The following ABCC6 variants were observed in gnomAD, a reference collection of about 807,000 sequenced individuals.
ABCC6 encodes ATP binding cassette subfamily C member 6.
A neutral mutation model predicts 169.5 loss-of-function variants in ABCC6; 126 were observed. The ratio of observed to expected loss-of-function variants is 0.74; its 90% CI spans 0.64 to 0.86. ABCC6 has a LOEUF of 0.86. Among genes scored for constraint, ABCC6 ranks in the 40% least tolerant of loss-of-function variants. The pLI is 0.00. For synonymous variants in ABCC6, 752 were observed against 814.7 expected, an observed-to-expected ratio of 0.92 and a Z score of 1.31; for missense variants, 1,733 against 1,927.2, an observed-to-expected ratio of 0.90 and a Z score of 1.89.
At chr16:16,192,485 G>C in intron 11 of ABCC6, among the ~76,000 whole-genome samples, 1 of 152,278 alleles carries the variant, frequency 6.6e-6, no homozygotes, top group South Asian at 2.1e-4. Context: ...GCTGTGACCT[G>C]GGTTAGAGAT....
intron 19 of ABCC6, among the ~76,000 whole-genome samples, chr16:16,176,391 A>C (rs2047278604): frequency 6.6e-6 from 1 of 152,166 alleles, no homozygotes; most frequent in African/African-American, 2.4e-5. Context: ...ACTATCCCCC[A>C]GGTGTGGCCA....
rs985686947 is a variant in ABCC6, at chr16:16,149,910, G to T, written c.*223C>A. On this transcript the variant is annotated 3_prime_UTR_variant, in exon 31 of 31. Coordinates refer to ENST00000205557, the MANE Select transcript of ABCC6 (RefSeq NM_001171.6). The stretch of plus-strand genomic sequence containing the variant: ...TTGACATTGGCTGCAGGGTGGACAG[G>T]GCGAGATGGGCCCTGCCCGGGCAGA... 24 of 662,654 alleles carry T rather than the reference G, an allele frequency of 3.6e-5. No homozygotes were observed. In the African/African-American group the frequency reaches 4.3e-4, roughly 12 times the overall value. 41.0% of individuals were successfully genotyped at this position (662,654 alleles called of 1,614,324 possible). A position where few individuals can be genotyped will look rare whatever the true frequency, so the allele number is the denominator to read the frequency against.
intron 15 of ABCC6, 107 bp downstream of exon 15, chr16:16,184,852 G>T: frequency 1.6e-6 from 2 of 1,268,122 alleles, no homozygotes; most frequent in Non-Finnish European, 2.3e-6. Flanking sequence ...CCACCCTCCA[G>T]TCCCAGGCTG....
intron 13 of ABCC6, among the ~76,000 whole-genome samples, chr16:16,188,224 A>AC (rs1186349185): frequency 8.7e-6 from 1 of 114,820 alleles, no homozygotes; most frequent in Non-Finnish European, 1.9e-5. Context: ...TACTAAAAAT[A>AC]CAAAAAAAAA....
intron 15 of ABCC6, among the ~76,000 whole-genome samples, chr16:16,183,517 C>T (rs528570480): frequency 6.6e-6 from 1 of 152,318 alleles, no homozygotes; most frequent in Admixed American, 6.5e-5. Context: ...TCCCATTTCA[C>T]TCAGGGTCAA....
intron 18 of ABCC6, among the ~76,000 whole-genome samples, chr16:16,178,271 G>A (rs2047350913): frequency 6.6e-6 from 1 of 152,070 alleles, no homozygotes; most frequent in South Asian, 2.1e-4. Context: ...AGCTTCCAGT[G>A]AGCGGAGATC....
intron 25 of ABCC6, among the ~76,000 whole-genome samples, chr16:16,161,054 G>A (rs185771910): frequency 3.9e-5 from 6 of 152,244 alleles, no homozygotes; most frequent in East Asian, 1.9e-4. Context: ...TCAGTGAGCC[G>A]AGATTGCACC....
rs541463984 is a variant in ABCC6 at position 16,188,863 on chromosome 16, A to C, written c.1747T>G (p.Phe583Val). The part of the protein sequence containing the change: ...VLNILNKAQA[F>V]LPFSIHSLVQ... ...AGGGAGTGGATGGAGAAGGGCAGGA[A>C]AGCCTGGGCCTTGTTGAGGATGTTG... Residue 583 changes from phenylalanine to valine, a missense_variant, in exon 13 of 31, where the codon TTC (phenylalanine) becomes GTC (valine). Coordinates refer to ENST00000205557, the MANE Select transcript of ABCC6 (RefSeq NM_001171.6). The C allele has an allele frequency of 6.2e-7, 1 of 1,614,138 alleles. No individual in the cohort carries two copies. Among genetic ancestry groups the C allele is most frequent in the African/African-American group, 1.3e-5 (1 of 75,062 alleles).
At position 16,202,057 on chromosome 16, in the gene ABCC6, G is replaced by C. The variant is rs370022963; in HGVS notation, c.1120C>G (p.Leu374Val). 34 of 1,613,894 alleles carry C rather than the reference G, an allele frequency of 2.1e-5. No homozygotes were observed. In the African/African-American group the frequency reaches 3.7e-4, roughly 18 times the overall value. Reference protein sequence around the residue: ...TLFEQQNMYRLKVLQMRLRSA... With the variant: ...TLFEQQNMYRVKVLQMRLRSA... ...CGCAACCTCATCTGCAGCACCTTGA[G>C]CCTGTACATGTTCTGCTGCTCAAAC... Residue 374 changes from leucine (L) to valine (V), a missense_variant, in exon 9 of 31, where the codon CTC (leucine) becomes GTC (valine). Leu to Val is a conservative substitution (Grantham distance 32). Around this residue, in one of 5 missense-constraint regions of ABCC6, gnomAD observed 1,601 missense variants for 1,635.5 expected, o/e 0.98. Transcript: ENST00000205557.
rs2152263695 is a variant in ABCC6 at position 16,185,053 on chromosome 16, C to T, written c.1868-19G>A. 1 of 1,609,486 alleles carries T rather than the reference C, an allele frequency of 6.2e-7. No homozygotes were observed. Among genetic ancestry groups the T allele is most frequent in the Non-Finnish European group, 8.5e-7 (1 of 1,175,752 alleles). On this transcript the variant is annotated intron_variant, in intron 14 of 30. Coordinates refer to ENST00000205557, the MANE Select transcript of ABCC6 (RefSeq NM_001171.6). ...CCGGCAGCTGCAGGGCACAAGAGGC[C>T]ATTTACAGGAGACCCCTGACCTGGC...
chr16:16,168,340 A>G (rs1412980151), intron 22 of ABCC6, among the ~76,000 whole-genome samples: 1 of 7,464 alleles, frequency 1.3e-4, no homozygotes, highest in African/African-American at 2.0e-4. Context: ...AACAAAAATT[A>G]GCCAGCATGG....
At chr16:16,200,704 C>T (rs56823363) in intron 9 of ABCC6, among the ~76,000 whole-genome samples, 51,521 of 147,208 alleles carry the variant, frequency 0.35, 9,805 homozygotes, top group Admixed American at 0.42. Context: ...GAGCTGTCCC[C>T]TCTGTCCCCT....
At chr16:16,179,665 A>T (rs1196250372) in intron 17 of ABCC6, among the ~76,000 whole-genome samples, 1 of 152,168 alleles carries the variant, frequency 6.6e-6, no homozygotes, top group Non-Finnish European at 1.5e-5. Context: ...ATCTTGACTC[A>T]CTGCAACCTC....
chr16:16,188,997 G>C, intron 12 of ABCC6, 23 bp from the exon 13 acceptor site: 1 of 1,613,062 alleles, frequency 6.2e-7, no homozygotes, highest in South Asian at 1.1e-5. Context: ...GGGGACACGT[G>C]GGGCAACAGT....
At chr16:16,152,868 AG>A (rs1434773618) in intron 29 of ABCC6, among the ~76,000 whole-genome samples, 1 of 151,290 alleles carries the variant, frequency 6.6e-6, no homozygotes, top group Non-Finnish European at 1.5e-5. Flanking sequence ...TCAGGGTCAG[AG>A]GGGTTTATAA....
intron 18 of ABCC6, 111 bp downstream of exon 18, chr16:16,178,687 A>C (rs1277103124): frequency 8.0e-7 from 1 of 1,256,934 alleles, no homozygotes; most frequent in African/African-American, 1.5e-5. Flanking sequence ...TACAAAGAGG[A>C]AATTGGACTC....
intron 15 of ABCC6, among the ~76,000 whole-genome samples, chr16:16,183,167 C>T (rs1476085921): frequency 6.6e-6 from 1 of 152,196 alleles, no homozygotes; most frequent in Admixed American, 6.5e-5. Context: ...CACACTCATA[C>T]AAGCATGCTA....
chr16:16,198,314 C>T (rs2048124459), intron 9 of ABCC6, 132 bp from the exon 10 acceptor site: 2 of 905,370 alleles, frequency 2.2e-6, no homozygotes, highest in South Asian at 1.7e-5. Context: ...CTTAGGCCAA[C>T]CTCTCAGGGC....
rs374919566 is a variant in ABCC6 at position 16,150,368 on chromosome 16, G to T, written c.4404-127C>A. 23 of 1,539,940 alleles carry T rather than the reference G, an allele frequency of 1.5e-5. No homozygotes were observed. The African/African-American group carries it at 3.0e-4, about 20-fold the overall frequency. ...GTCCTGCTTTCCATGCGGCTCCCTG[G>T]CCCTCACAGCTGGGTTGGAAGCGTG... On this transcript the variant is annotated intron_variant, in intron 30 of 30. Transcript: ENST00000205557.
Sources: gnomAD v4.1 joint callset for allele counts (sites outside exome capture counted in the v4.1 genomes callset) on GRCh38, gnomAD v4.1.1 for gene constraint, gnomAD v4.1.1 regional missense constraint, MANE v1.5 for transcripts, NCBI Gene and HGNC (gene_info 2026-07-23, HGNC 2026-07-21) for gene names.